Variants in SGCD observed in about 807,000 individuals in gnomAD.
SGCD encodes the protein delta-sarcoglycan.
A neutral mutation model predicts 36.6 loss-of-function variants in SGCD; 18 were observed. The ratio of observed to expected loss-of-function variants is 0.49; its 90% CI spans 0.34 to 0.73. The LOEUF is 0.73. SGCD is among the 30% of genes least tolerant of loss of function. SGCD has a pLI of 0.01. For missense variants in SGCD, 387 were observed against 346.7 expected, an observed-to-expected ratio of 1.12 and a Z score of -0.92; for synonymous variants, 133 against 130.6, an observed-to-expected ratio of 1.02 and a Z score of -0.12.
At chr5:156,287,787 C>T (rs1766650192) in intron 3 of SGCD, among the ~76,000 whole-genome samples, 1 of 151,904 alleles carries the variant, frequency 6.6e-6, no homozygotes, top group South Asian at 2.1e-4. Context: ...TAATCCCAGC[C>T]CTTTGTGAGG....
chr5:156,235,422 C>T (rs1050251675), intron 3 of SGCD, among the ~76,000 whole-genome samples: 3 of 152,192 alleles, frequency 2.0e-5, no homozygotes, highest in African/African-American at 7.2e-5. Flanking sequence ...TTTGACGTGT[C>T]ACCTCAGCAA....
intron 4 of SGCD, among the ~76,000 whole-genome samples, chr5:156,549,403 C>CA (rs2113190789): frequency 6.6e-6 from 1 of 152,312 alleles, no homozygotes; most frequent in South Asian, 2.1e-4. Flanking sequence ...TACTTGGCTG[C>CA]AAATATCCAT....
At chr5:156,707,734 T>C (rs1417312284) in intron 7 of SGCD, among the ~76,000 whole-genome samples, 2 of 152,202 alleles carry the variant, frequency 1.3e-5, no homozygotes, top group African/African-American at 4.8e-5. Context: ...ACAGGGAAAC[T>C]GAAAAATAAC....
chr5:155,862,802 A>C, the SGCD span, among the ~76,000 whole-genome samples: 2 of 152,210 alleles, frequency 1.3e-5, no homozygotes, highest in African/African-American at 4.8e-5. Flanking sequence ...ACATACCTTT[A>C]AATGACATAG....
intron 3 of SGCD, among the ~76,000 whole-genome samples, chr5:156,362,156 A>G (rs1415877556): frequency 1.3e-5 from 2 of 152,232 alleles, no homozygotes; most frequent in African/African-American, 4.8e-5. Flanking sequence ...CCAATGAAGA[A>G]GCAACACACA....
the SGCD span, among the ~76,000 whole-genome samples, chr5:155,758,294 G>T: frequency 1.3e-5 from 2 of 152,158 alleles, no homozygotes; most frequent in African/African-American, 4.8e-5. Flanking sequence ...AACAGCCGTG[G>T]CAAAGTGATT....
chr5:156,536,178 T>A (rs1758102275), intron 4 of SGCD, among the ~76,000 whole-genome samples: 1 of 152,166 alleles, frequency 6.6e-6, no homozygotes, highest in South Asian at 2.1e-4. Context: ...AAGGATACTA[T>A]GTGATTTAGA....
rs575329243 is a variant in SGCD, at chr5:156,199,730, C to T, written c.-44+75711C>T. On this transcript the variant is annotated intron_variant, in intron 3 of 9. Transcript: ENST00000517913. ...ACTCACCAAAAATCTATAAACTTCA[C>T]GGAGGCAGGCTTTTCTCTCAATTTT... Among the ~76,000 whole-genome samples the T allele has an allele frequency of 1.1e-4, 17 of 152,212 alleles. No individual in the cohort carries two copies. In the South Asian group the frequency reaches 1.5e-3, roughly 13 times the overall value.
chr5:156,467,744 A>G (rs190884724), intron 3 of SGCD, among the ~76,000 whole-genome samples: 12 of 152,370 alleles, frequency 7.9e-5, no homozygotes, highest in African/African-American at 2.6e-4. Context: ...CTAAGCCTTC[A>G]GTACAAAGAA....
intron 1 of SGCD, among the ~76,000 whole-genome samples, chr5:155,962,800 G>A (rs1757818179): frequency 6.6e-6 from 1 of 152,076 alleles, no homozygotes; most frequent in South Asian, 2.1e-4. Context: ...CTGCTGCAAG[G>A]CAATGTTTTA....
chr5:156,422,953 C>A (rs1773386628), intron 3 of SGCD, among the ~76,000 whole-genome samples: 1 of 151,106 alleles, frequency 6.6e-6, no homozygotes, highest in Non-Finnish European at 1.5e-5. Context: ...AAATAGTGCA[C>A]AGGGTGAGAC....
chr5:156,369,493 C>T (rs901133939), intron 3 of SGCD, among the ~76,000 whole-genome samples: 2 of 152,196 alleles, frequency 1.3e-5, no homozygotes, highest in African/African-American at 2.4e-5. Flanking sequence ...TATTATTAGA[C>T]CTGCAGGGCG....
rs116653815 is a variant in SGCD at position 156,456,068 on chromosome 5, C to T, written c.193-52533C>T. ...AAGAATCCATTTCTGTTGTTTCGAG[C>T]TACCCAGTTTGTATTACTCTGCTAT... On this transcript the variant is annotated intron_variant, in intron 3 of 8. Transcript: ENST00000337851. Among the ~76,000 whole-genome samples the T allele has an allele frequency of 9.2e-3, 1,408 of 152,266 alleles. 12 individuals are homozygous for T. Among genetic ancestry groups the T allele is most frequent in the African/African-American group, 0.031 (1,276 of 41,548 alleles).
chr5:156,055,197 T>TTTTC lies in SGCD; in HGVS notation c.-281-62665_-281-62662dup, dbSNP rs1277328937. Reference sequence around the variant, plus strand: ...ATTCAGCCCTGAGGCTACTCCTTTTTTTTCTTTCTTTCTTTCTTTTCTTTT... The same window carrying TTTTC: ...ATTCAGCCCTGAGGCTACTCCTTTTTTTTCTTTCTTTCTTTCTTTCTTTTCTTTT... On this transcript the variant is annotated intron_variant, in intron 1 of 9. Transcript: ENST00000517913. Among the ~76,000 whole-genome samples, 205 of 146,372 alleles carry TTTTC rather than the reference T, an allele frequency of 1.4e-3. 7 individuals carry two copies. The highest frequency in any genetic ancestry group is 4.8e-3 in the African/African-American group (196 of 40,748).
intron 3 of SGCD, among the ~76,000 whole-genome samples, chr5:156,385,194 A>G (rs1257789402): frequency 6.6e-6 from 1 of 152,206 alleles, no homozygotes; most frequent in Non-Finnish European, 1.5e-5. Flanking sequence ...AACCAGTCCT[A>G]TGCCTTTCAC....
intron 3 of SGCD, among the ~76,000 whole-genome samples, chr5:156,130,872 G>A (rs1762306047): frequency 6.6e-6 from 1 of 151,992 alleles, no homozygotes; most frequent in African/African-American, 2.4e-5. Flanking sequence ...GATAACAGGA[G>A]CCCACCACCA....
Position 155,951,676 on chromosome 5 carries a change from A to G in SGCD, c.-282+81252A>G, listed in dbSNP as rs546765418. Among the ~76,000 whole-genome samples, 4 of 152,288 alleles carry G rather than the reference A, an allele frequency of 2.6e-5. No homozygotes were observed. The South Asian group carries it at 8.3e-4, about 32-fold the overall frequency. On this transcript the variant is annotated intron_variant, in intron 1 of 9. Coordinates refer to the SGCD transcript ENST00000517913. Reference sequence around the variant, plus strand: ...ATAATATTGAAATGGAAAAAAAAATAAAAGTGGAGATAGGCTATGTCAAAT... The same window carrying G: ...ATAATATTGAAATGGAAAAAAAAATGAAAGTGGAGATAGGCTATGTCAAAT...
chr5:156,409,832 C>T (rs6879407), intron 3 of SGCD, among the ~76,000 whole-genome samples: 24,800 of 152,082 alleles, frequency 0.16, 2,353 homozygotes, highest in African/African-American at 0.25. Flanking sequence ...CCTCCTCATT[C>T]GGTTCTTTTT....
At chr5:156,509,154 A>G (rs958637076) in intron 4 of SGCD, among the ~76,000 whole-genome samples, 2 of 152,188 alleles carry the variant, frequency 1.3e-5, no homozygotes, top group African/African-American at 4.8e-5. Context: ...AGCTGAGTAC[A>G]GTGGCTCACA....
Sources: allele counts gnomAD v4.1 joint callset (sites outside exome capture counted in the v4.1 genomes callset), GRCh38; gene constraint gnomAD v4.1.1; transcripts MANE v1.5; gene names NCBI Gene and HGNC (gene_info 2026-07-23, HGNC 2026-07-21).